Variants in ITIH5 observed in about 807,000 individuals in gnomAD.
The protein encoded by ITIH5 is inter-alpha-trypsin inhibitor heavy chain 5, also known as inter-alpha-trypsin inhibitor heavy chain H5.
ITIH5 carries 65 observed loss-of-function variants against 77.5 expected under a neutral mutation model. The ratio of observed to expected loss-of-function variants is 0.84; its 90% CI spans 0.69 to 1.03. The LOEUF (loss-of-function observed/expected upper bound fraction) is 1.03. Among genes scored for constraint, ITIH5 ranks in the 50% least tolerant of loss-of-function variants. The probability of loss-of-function intolerance (pLI) is 0.00; values close to 1 mark genes in which losing one functional copy is unlikely to be tolerated. For missense variants in ITIH5, 1,208 were observed against 1,213.1 expected (o/e 1.00, Z 0.06); for synonymous variants, 525 against 494.3 (o/e 1.06, Z -0.82).
At chr10:7,653,396 TG>T (rs1834131890) in intron 2 of ITIH5, among the ~76,000 whole-genome samples, 2 of 152,020 alleles carry the variant, frequency 1.3e-5, no homozygotes, top group Admixed American at 6.6e-5. Context: ...TTAGTAGAGA[TG>T]GGGTTTCACC....
intron 7 of ITIH5, among the ~76,000 whole-genome samples, chr10:7,600,925 T>C (rs1184563890): frequency 1.3e-5 from 2 of 152,222 alleles, no homozygotes; most frequent in East Asian, 1.9e-4. Context: ...CATCTTGATG[T>C]TGGACTTTCC....
At position 7,561,165 on chromosome 10, in the gene ITIH5, C is replaced by T. The variant is rs1304197350; in HGVS notation, c.*1918G>A. 1 of 152,124 alleles carries T rather than the reference C, an allele frequency of 6.6e-6. No homozygotes were observed. Among genetic ancestry groups the T allele is most frequent in the Non-Finnish European group, 1.5e-5 (1 of 68,018 alleles). The allele number at this position is 152,124 out of a possible 1,614,324, so 9.4% of individuals were successfully genotyped here. ...TGTTACTTATGTTTTTCTGAGCAAG[C>T]AAGTTAGCTATGGATAGCTCATTGG... On this transcript the variant is annotated 3_prime_UTR_variant, in exon 14 of 14. Transcript: ENST00000397146.
chr10:7,657,256 C>T (rs1828950650), intron 1 of ITIH5, among the ~76,000 whole-genome samples: 1 of 151,794 alleles, frequency 6.6e-6, no homozygotes. Context: ...ACCATGTTGG[C>T]CAGCATGGTC....
At chr10:7,614,481 G>A (rs1031447959) in intron 7 of ITIH5, among the ~76,000 whole-genome samples, 1 of 151,994 alleles carries the variant, frequency 6.6e-6, no homozygotes, top group African/African-American at 2.4e-5. Flanking sequence ...TTTTTTGCGT[G>A]ATTTTTTTTT....
intron 5 of ITIH5, among the ~76,000 whole-genome samples, chr10:7,627,303 GA>G (rs59346650): frequency 3.7e-5 from 4 of 108,530 alleles, no homozygotes; most frequent in Non-Finnish European, 8.5e-5. Flanking sequence ...TAAAGTAAAA[GA>G]AAAAAAAGAA....
intron 5 of ITIH5, among the ~76,000 whole-genome samples, chr10:7,634,088 CAA>C (rs752092484): frequency 2.7e-4 from 16 of 60,012 alleles, no homozygotes; most frequent in African/African-American, 1.0e-3. Context: ...GACTCCGTCT[CAA>C]AAAAAAAAAA....
chr10:7,629,062 C>T lies in ITIH5; in HGVS notation c.652+8166G>A, dbSNP rs576458414. On this transcript the variant is annotated intron_variant, in intron 5 of 13. Transcript: ENST00000397146. ...GTTGTAGCGTGTGTCCATGTTGTAG[C>T]GTGTGCCCATGTTGTAGCGTGTATC... Among the ~76,000 whole-genome samples, 22 of 138,916 alleles carry T rather than the reference C, an allele frequency of 1.6e-4. 4 individuals are homozygous for T. The highest frequency in any genetic ancestry group is 6.2e-4 in the East Asian group (3 of 4,816). The allele number at this position is 138,916 out of a possible 152,430, so 91.1% of individuals were successfully genotyped here. A position where few individuals can be genotyped will look rare whatever the true frequency, so the allele number is the denominator to read the frequency against.
rs980677408 is a variant in ITIH5, at chr10:7,559,511, C to A, written c.*3572G>T. 1.3e-4 allele frequency: 21 copies of A among 166,972 alleles called. No homozygotes were observed. The highest frequency in any genetic ancestry group is 2.3e-4 in the Non-Finnish European group (18 of 77,954). The allele number at this position is 166,972 out of a possible 1,614,324, so 10.3% of individuals were successfully genotyped here. A position where few individuals can be genotyped will look rare whatever the true frequency, so the allele number is the denominator to read the frequency against. ...CTGTGTTATTTGTTATTTATTTTAG[C>A]TGGATCATGTCCTACAGTTCCAAGA... On this transcript the variant is annotated 3_prime_UTR_variant, in exon 14 of 14. Transcript: ENST00000397146.
chr10:7,663,205 G>T (rs933645406), intron 1 of ITIH5, among the ~76,000 whole-genome samples: 1 of 152,184 alleles, frequency 6.6e-6, no homozygotes, highest in African/African-American at 2.4e-5. Context: ...CACATAGTAG[G>T]TTGTTGCAGC....
At chr10:7,632,720 C>G (rs141612770) in intron 5 of ITIH5, among the ~76,000 whole-genome samples, 8 of 152,074 alleles carry the variant, frequency 5.3e-5, no homozygotes, top group Non-Finnish European at 1.2e-4. Context: ...GTCTAGAGTA[C>G]GTTGTCTGGA....
At chr10:7,584,711 T>C (rs1484733429) in intron 8 of ITIH5, among the ~76,000 whole-genome samples, 1 of 152,202 alleles carries the variant, frequency 6.6e-6, no homozygotes, top group East Asian at 1.9e-4. Flanking sequence ...AATCTACAAA[T>C]ATCCATTGAG....
intron 7 of ITIH5, among the ~76,000 whole-genome samples, chr10:7,613,506 T>C (rs1253825232): frequency 1.3e-5 from 2 of 152,000 alleles, no homozygotes; most frequent in African/African-American, 4.8e-5. Flanking sequence ...CTTGAGAAAA[T>C]ATAAAAGATT....
At position 7,566,423 on chromosome 10, in the gene ITIH5, G is replaced by T; in HGVS notation, c.2150-16C>A. The T allele has an allele frequency of 6.3e-7, 1 of 1,577,668 alleles. No individual in the cohort carries two copies. Among genetic ancestry groups the T allele is most frequent in the South Asian group, 1.2e-5 (1 of 86,410 alleles). On this transcript the variant is annotated splice_polypyrimidine_tract_variant and intron_variant, in intron 12 of 13. Coordinates refer to ENST00000397146, the MANE Select transcript of ITIH5 (RefSeq NM_030569.7). ...ACTGTGACACCTCAAAGGCCAAGGG[G>T]AAAAGAAGAAGGTTAGAAAATCTGA...
At chr10:7,611,200 T>G (rs1176042173) in intron 7 of ITIH5, among the ~76,000 whole-genome samples, 1 of 152,270 alleles carries the variant, frequency 6.6e-6, no homozygotes, top group African/African-American at 2.4e-5. Context: ...CCAACTTATC[T>G]ACCTTTGCAA....
intron 5 of ITIH5, among the ~76,000 whole-genome samples, chr10:7,626,686 G>A (rs551011546): frequency 6.6e-6 from 1 of 152,080 alleles, no homozygotes; most frequent in Non-Finnish European, 1.5e-5. Context: ...TTTGAATTTC[G>A]GATAAACAAT....
chr10:7,575,625 T>C lies in ITIH5; in HGVS notation c.1978+828A>G, dbSNP rs186656841. Among the ~76,000 whole-genome samples, 29 of 152,342 alleles carry C rather than the reference T, an allele frequency of 1.9e-4. 1 individual carries two copies. The highest frequency in any genetic ancestry group is 2.1e-4 in the South Asian group (1 of 4,826). ...CCCCGCAGCAGAATGGCACCGGGACTGACTGTGCCTGCTTCTGTTCAGATT... is the reference window on the plus strand; with the variant it reads ...CCCCGCAGCAGAATGGCACCGGGACCGACTGTGCCTGCTTCTGTTCAGATT... On this transcript the variant is annotated intron_variant, in intron 10 of 13. Transcript: ENST00000397146.
At chr10:7,666,781 G>C in intron 1 of ITIH5, 22 bp downstream of exon 1, 1 of 1,592,570 alleles carries the variant, frequency 6.3e-7, no homozygotes, top group Non-Finnish European at 8.6e-7. Flanking sequence ...CCCGGGACCC[G>C]GCTCCCCTCG....
intron 2 of ITIH5, among the ~76,000 whole-genome samples, chr10:7,644,371 TATATATCAC>T (rs71383930): frequency 0.14 from 19,201 of 138,726 alleles, 1,710 homozygotes; most frequent in South Asian, 0.21. Context: ...ATATATCACA[TATATATCAC>T]ATATATCACA....
At chr10:7,579,100 T>C (rs1832483357) in intron 9 of ITIH5, among the ~76,000 whole-genome samples, 1 of 152,254 alleles carries the variant, frequency 6.6e-6, no homozygotes, top group Non-Finnish European at 1.5e-5. Flanking sequence ...GCTCATTAAA[T>C]ACTTAATATG....
Sources: allele counts gnomAD v4.1 joint callset (sites outside exome capture counted in the v4.1 genomes callset), GRCh38; gene constraint gnomAD v4.1.1; transcripts MANE v1.5; gene names NCBI Gene and HGNC (gene_info 2026-07-23, HGNC 2026-07-21).